Variants in SERPINA10 observed in about 807,000 individuals in gnomAD.
The protein encoded by SERPINA10 is protein Z-dependent protease inhibitor.
Under a neutral mutation model 28.0 loss-of-function variants are expected in SERPINA10, and 24 were observed. That is an observed-to-expected ratio of 0.86 (90% CI 0.62 to 1.20). SERPINA10 has a LOEUF of 1.20. Among genes scored for constraint, SERPINA10 ranks in the 50% most tolerant of loss-of-function variants. The pLI is 0.00. For synonymous variants in SERPINA10, 207 were observed against 203.9 expected, an observed-to-expected ratio of 1.02 and a Z score of -0.13; for missense variants, 521 against 537.7, an observed-to-expected ratio of 0.97 and a Z score of 0.31.
intron 4 of SERPINA10, 51 bp from the exon 5 acceptor site, chr14:94,284,207 G>T: frequency 6.7e-7 from 1 of 1,498,040 alleles, no homozygotes; most frequent in East Asian, 2.3e-5. Flanking sequence ...GTGCAAAGGA[G>T]GAATTAAATG....
rs1182151262 is a variant in SERPINA10, at chr14:94,280,677, G to T, written c.*3288C>A. 6.6e-6 allele frequency: 1 copy of T among 152,154 alleles called. No individual in the cohort carries two copies. The highest frequency in any genetic ancestry group is 1.9e-4 in the East Asian group (1 of 5,200). The allele number at this position is 152,154 out of a possible 1,614,324, so 9.4% of individuals were successfully genotyped here. On this transcript the variant is annotated 3_prime_UTR_variant, in exon 5 of 5. Transcript: ENST00000261994. ...AAAGAAAAATCTCCCTCCATCTGTAGTTGTAGGGAAAAGGGACATCTTCAT... is the reference window on the plus strand; with the variant it reads ...AAAGAAAAATCTCCCTCCATCTGTATTTGTAGGGAAAAGGGACATCTTCAT...
chr14:94,283,047 C>T lies in SERPINA10; in HGVS notation c.*918G>A, dbSNP rs1489780987. On this transcript the variant is annotated 3_prime_UTR_variant, in exon 5 of 5. Transcript: ENST00000261994. ...GCTATTTTCTTCTGATGTCAGTCAG[C>T]AAGAAATGACTCCGTAATAGATTAA... The T allele has an allele frequency of 6.6e-6, 1 of 152,136 alleles. No homozygotes were observed. The highest frequency in any genetic ancestry group is 1.5e-5 in the Non-Finnish European group (1 of 68,036). The allele number at this position is 152,136 out of a possible 1,614,324, so 9.4% of individuals were successfully genotyped here.
In SERPINA10 at chr14:94,290,020, GC is replaced by G. The variant is rs770318734; in HGVS notation, c.573del (p.Pro192LeufsTer2). Reference sequence around the variant, plus strand: ...TGTGAGGCATTGCGAAAATTCATAGGCACGCACTCTGTATCAAAATACCTCT... The same window carrying G: ...TGTGAGGCATTGCGAAAATTCATAGGACGCACTCTGTATCAAAATACCTCT... ...LSKRYFDTEC[V>X]PMNFRNASQA... On this transcript the variant is annotated frameshift_variant, in exon 2 of 5. Coordinates refer to ENST00000261994, the MANE Select transcript of SERPINA10 (RefSeq NM_001100607.3). LOFTEE classifies it high-confidence loss of function. 23 of 1,614,082 alleles carry G rather than the reference GC, an allele frequency of 1.4e-5. No individual in the cohort carries two copies. The African/African-American group carries it at 2.8e-4, about 20-fold the overall frequency.
chr14:94,288,154 G>C, intron 3 of SERPINA10, 132 bp downstream of exon 3: 4 of 1,243,246 alleles, frequency 3.2e-6, no homozygotes, highest in Non-Finnish European at 4.7e-6. Context: ...AAAGACAAAT[G>C]CTGCCCTGCC....
Position 94,290,495 on chromosome 14 carries a change from G to T in SERPINA10, c.99C>A (p.Ala33=), listed in dbSNP as rs1267882885. 1.2e-6 allele frequency: 2 copies of T among 1,613,512 alleles called. No individual in the cohort carries two copies. Among genetic ancestry groups the T allele is most frequent in the Non-Finnish European group, 1.7e-6 (2 of 1,179,818 alleles). The part of the protein sequence containing the change: ...APSPQSPETP[A]PQNQTSRVVQ... ...CTACCCTGCTGGTCTGGTTCTGAGG[G>T]GCTGGGGTCTCTGGCGACTGAGGAC... The change falls in exon 2 of 5, where the codon GCC becomes GCA. Residue 33 remains alanine, a synonymous_variant. Transcript: ENST00000261994.
intron 4 of SERPINA10, among the ~76,000 whole-genome samples, chr14:94,285,481 C>T (rs1029659173): frequency 6.6e-6 from 1 of 150,978 alleles, no homozygotes; most frequent in Non-Finnish European, 1.5e-5. Flanking sequence ...GTATGTCTCT[C>T]TCCATATATA....
Position 94,281,078 on chromosome 14 carries a change from A to G in SERPINA10, c.*2887T>C, listed in dbSNP as rs757739803. 3 of 152,206 alleles carry G rather than the reference A, an allele frequency of 2.0e-5. No individual in the cohort carries two copies. The highest frequency in any genetic ancestry group is 6.5e-5 in the Admixed American group (1 of 15,274). The allele number at this position is 152,206 out of a possible 1,614,324, so 9.4% of individuals were successfully genotyped here. On this transcript the variant is annotated 3_prime_UTR_variant, in exon 5 of 5. Transcript: ENST00000261994. ...TAGATTAAGTCAGTAACCTGTTCTC[A>G]GTTGTTACAGCATATATATGTGAGA...
At chr14:94,289,740 C>A (rs993748556) in intron 2 of SERPINA10, 136 bp downstream of exon 2, 1 of 959,026 alleles carries the variant, frequency 1.0e-6, no homozygotes, top group Non-Finnish European at 1.7e-6. Context: ...ATATGTGTAT[C>A]AATCTGTTTT....
intron 4 of SERPINA10, 138 bp downstream of exon 4, chr14:94,285,970 C>G: frequency 9.8e-7 from 1 of 1,022,846 alleles, no homozygotes; most frequent in Non-Finnish European, 1.5e-6. Context: ...AACCTGGGTG[C>G]TATTTCAAGT....
chr14:94,289,805 C>G (rs1333616590), intron 2 of SERPINA10, 71 bp downstream of exon 2: 2 of 1,497,660 alleles, frequency 1.3e-6, no homozygotes, highest in African/African-American at 1.4e-5. Flanking sequence ...ATATGCTGGC[C>G]TAACGAAAGG....
At chr14:94,285,497 A>G (rs138512464) in intron 4 of SERPINA10, among the ~76,000 whole-genome samples, 1,723 of 150,552 alleles carry the variant, frequency 0.011, 35 homozygotes, top group African/African-American at 0.039. Context: ...ATATATATAT[A>G]TGTGTGTGTA....
chr14:94,287,655 T>A (rs907835598), intron 3 of SERPINA10, among the ~76,000 whole-genome samples: 1 of 152,204 alleles, frequency 6.6e-6, no homozygotes, highest in African/African-American at 2.4e-5. Flanking sequence ...CCTGCCTCTC[T>A]CAGGAAAGCC....
chr14:94,283,529 T>TTC lies in SERPINA10; in HGVS notation c.*434_*435dup. 1 of 216,612 alleles carries TTC rather than the reference T, an allele frequency of 4.6e-6. No individual in the cohort carries two copies. The highest frequency in any genetic ancestry group is 9.2e-6 in the Non-Finnish European group (1 of 108,616). 13.4% of individuals were successfully genotyped at this position (216,612 alleles called of 1,614,324 possible). A position where few individuals can be genotyped will look rare whatever the true frequency, so the allele number is the denominator to read the frequency against. On this transcript the variant is annotated 3_prime_UTR_variant, in exon 5 of 5. Transcript: ENST00000261994. ...TGCTCTGTCCCACCCAGGATGTGAA[T>TTC]TCTCCCCTTGCCCAATGTCTCCACA...
Position 94,283,775 on chromosome 14 carries a change from A to T in SERPINA10, c.*190T>A. The T allele has an allele frequency of 1.6e-6, 1 of 625,936 alleles. No individual in the cohort carries two copies. Among genetic ancestry groups the T allele is most frequent in the Non-Finnish European group, 2.8e-6 (1 of 355,200 alleles). The allele number at this position is 625,936 out of a possible 1,614,324, so 38.8% of individuals were successfully genotyped here. Reference sequence around the variant, plus strand: ...TTCAGCACTGTCCACCGTTTCAGGCATCTGCTGGGGGTCTTTGAATGTATC... The same window carrying T: ...TTCAGCACTGTCCACCGTTTCAGGCTTCTGCTGGGGGTCTTTGAATGTATC... On this transcript the variant is annotated 3_prime_UTR_variant, in exon 5 of 5. Transcript: ENST00000261994.
Position 94,288,276 on chromosome 14 carries a change from A to G in SERPINA10, c.992+10T>C. The stretch of plus-strand genomic sequence containing the variant: ...GTAGAGTTTGTATAGGGTGTGGGCA[A>G]GAGTTGTACCTGGTTTTCATGTTTC... On this transcript the variant is annotated intron_variant, in intron 3 of 4. Transcript: ENST00000261994. 1 of 1,613,290 alleles carries G rather than the reference A, an allele frequency of 6.2e-7. No individual in the cohort carries two copies. Among genetic ancestry groups the G allele is most frequent in the East Asian group, 2.2e-5 (1 of 44,886 alleles).
chr14:94,291,504 C>T (rs951744650), intron 1 of SERPINA10, among the ~76,000 whole-genome samples: 1 of 152,252 alleles, frequency 6.6e-6, no homozygotes, highest in Admixed American at 6.5e-5. Context: ...TGGCTTGGGA[C>T]TGGCCTGGGC....
chr14:94,283,315 A>T lies in SERPINA10; in HGVS notation c.*650T>A, dbSNP rs1363315712. On this transcript the variant is annotated 3_prime_UTR_variant, in exon 5 of 5. Transcript: ENST00000261994. ...ACCAGACAGATTGCACAAACATCTT[A>T]AAAAATATGTATCAATTTAATGCTT... is the stretch of plus-strand genomic sequence containing the variant. 6.6e-6 allele frequency: 1 copy of T among 152,306 alleles called. No individual in the cohort carries two copies. Among genetic ancestry groups the T allele is most frequent in the Admixed American group, 6.5e-5 (1 of 15,290 alleles). The allele number at this position is 152,306 out of a possible 1,614,324, so 9.4% of individuals were successfully genotyped here.
At chr14:94,289,149 C>T (rs187636914) in intron 2 of SERPINA10, among the ~76,000 whole-genome samples, 2 of 152,312 alleles carry the variant, frequency 1.3e-5, no homozygotes, top group African/African-American at 2.4e-5. Context: ...AGTGGCTTCC[C>T]CTGCCGGGGC....
rs147367426 is a variant in SERPINA10 at position 94,290,166 on chromosome 14, G to T, written c.428C>A (p.Ser143Tyr). ...LKPTKPGLLP[S>Y]LFKGLRETLS... Reference sequence around the variant, plus strand: ...GGTCTCTCTGAGTCCCTTAAAGAGGGAAGGCAGGAGCCCGGGCTTGGTGGG... The same window carrying T: ...GGTCTCTCTGAGTCCCTTAAAGAGGTAAGGCAGGAGCCCGGGCTTGGTGGG... Residue 143 changes from serine to tyrosine, a missense_variant, in exon 2 of 5, where the codon TCC becomes TAC. Coordinates refer to ENST00000261994, the MANE Select transcript of SERPINA10 (RefSeq NM_001100607.3). 9.9e-4 allele frequency: 1,599 copies of T among 1,614,038 alleles called. 6 individuals are homozygous for T. The highest frequency in any genetic ancestry group is 4.1e-3 in the Middle Eastern group (25 of 6,056).
Sources: allele counts gnomAD v4.1 joint callset (sites outside exome capture counted in the v4.1 genomes callset), GRCh38; gene constraint gnomAD v4.1.1; transcripts MANE v1.5; gene names NCBI Gene and HGNC (gene_info 2026-07-23, HGNC 2026-07-21).